PALM2AKAP2: variants seen among roughly 807,000 people sequenced by gnomAD.
PALM2AKAP2 encodes PALM2-AKAP2 fusion protein.
A neutral mutation model predicts 71.5 loss-of-function variants in PALM2AKAP2; 37 were observed. The ratio of observed to expected loss-of-function variants is 0.52; its 90% confidence interval spans 0.40 to 0.68. The LOEUF is 0.68. Among genes scored for constraint, PALM2AKAP2 ranks in the 30% least tolerant of loss-of-function variants. PALM2AKAP2 has a pLI of 0.00. For synonymous variants in PALM2AKAP2, 468 were observed against 478.8 expected (o/e 0.98, Z 0.29); for missense variants, 1,224 against 1,191.8 (o/e 1.03, Z -0.40).
At chr9:110,144,344 G>A (rs1836108943) in intron 2 of PALM2AKAP2, among the ~76,000 whole-genome samples, 1 of 152,200 alleles carries the variant, frequency 6.6e-6, no homozygotes, top group African/African-American at 2.4e-5. Flanking sequence ...GTCCACAGAT[G>A]GTTATTGTCC....
chr9:110,044,707 G>A (rs975372629), upstream of PALM2AKAP2, among the ~76,000 whole-genome samples: 46 of 148,318 alleles, frequency 3.1e-4, no homozygotes, highest in Middle Eastern at 3.5e-3. Flanking sequence ...TTTATTTTCT[G>A]TAGGACATAT....
intron 1 of PALM2AKAP2, among the ~76,000 whole-genome samples, chr9:110,109,653 A>G (rs1379969357): frequency 1.3e-5 from 2 of 152,160 alleles, no homozygotes; most frequent in African/African-American, 2.4e-5. Context: ...GGCAGTCACC[A>G]GGAAACTTCA....
chr9:109,863,480 G>C (rs1165455025), intron 1 of PALM2AKAP2, among the ~76,000 whole-genome samples: 1 of 152,148 alleles, frequency 6.6e-6, no homozygotes, highest in East Asian at 1.9e-4. Flanking sequence ...GTTTGGGGGA[G>C]TGACTATGAA....
chr9:109,698,867 C>T (rs1000886383), intron 1 of PALM2AKAP2, among the ~76,000 whole-genome samples: 6 of 152,274 alleles, frequency 3.9e-5, no homozygotes, highest in African/African-American at 1.4e-4. Context: ...GGGGTAGAGA[C>T]TTACTTTTGA....
At chr9:109,661,080 T>C (rs1827387076) in intron 1 of PALM2AKAP2, among the ~76,000 whole-genome samples, 1 of 152,172 alleles carries the variant, frequency 6.6e-6, no homozygotes, top group East Asian at 1.9e-4. Context: ...GTCAGATGGG[T>C]AGATTGCAAA....
At chr9:109,901,078 C>T (rs2131849855) in intron 3 of PALM2AKAP2, among the ~76,000 whole-genome samples, 1 of 152,274 alleles carries the variant, frequency 6.6e-6, no homozygotes, top group South Asian at 2.1e-4. Flanking sequence ...TTAGGTGGAA[C>T]CAGACTGGAA....
chr9:109,913,529 A>C (rs569165087), intron 3 of PALM2AKAP2, among the ~76,000 whole-genome samples: 133 of 152,282 alleles, frequency 8.7e-4, no homozygotes, highest in African/African-American at 3.1e-3. Context: ...GATTAGCAGT[A>C]ATGAATTCAC....
Position 109,881,876 on chromosome 9 carries a change from CTTTTTTTTTTT to C in PALM2AKAP2, c.257+1212_257+1222del, listed in dbSNP as rs565835467. ...TCTCTGTCTTCTGAGCTTATGAGCT[CTTTTTTTTTTT>C]TTTTTTTTTTTTTTTTAGATGGAGT... On this transcript the variant is annotated intron_variant, in intron 3 of 9. Coordinates refer to the PALM2AKAP2 transcript ENST00000302798. Among the ~76,000 whole-genome samples, 233 of 95,112 alleles carry C rather than the reference CTTTTTTTTTTT, an allele frequency of 2.4e-3. 3 individuals carry two copies. Among genetic ancestry groups the C allele is most frequent in the African/African-American group, 7.9e-3 (221 of 27,878 alleles). The allele number at this position is 95,112 out of a possible 152,430, so 62.4% of individuals were successfully genotyped here.
chr9:109,893,989 A>G (rs1015722097), intron 3 of PALM2AKAP2, among the ~76,000 whole-genome samples: 1 of 151,674 alleles, frequency 6.6e-6, no homozygotes, highest in African/African-American at 2.4e-5. Flanking sequence ...AGTTGAAGGA[A>G]AAAAGTTCAC....
intron 1 of PALM2AKAP2, among the ~76,000 whole-genome samples, chr9:109,803,766 C>G (rs139838135): frequency 6.6e-6 from 1 of 152,308 alleles, no homozygotes; most frequent in East Asian, 1.9e-4. Flanking sequence ...TAGTAGACAC[C>G]TTGGGAAGAC....
intron 1 of PALM2AKAP2, among the ~76,000 whole-genome samples, chr9:110,109,178 A>T (rs1006459954): frequency 1.3e-5 from 2 of 151,948 alleles, no homozygotes; most frequent in African/African-American, 2.4e-5. Context: ...TTAGCTGGGC[A>T]TGGTGGCACA....
At chr9:110,111,696 G>GTTTATT (rs56380577) in intron 1 of PALM2AKAP2, among the ~76,000 whole-genome samples, 248 of 151,458 alleles carry the variant, frequency 1.6e-3, no homozygotes, top group African/African-American at 5.3e-3. Context: ...AGGGCTACAT[G>GTTTATT]TTTATTTTTA....
chr9:109,870,766 GTCTC>G (rs1829582658), intron 2 of PALM2AKAP2, among the ~76,000 whole-genome samples: 1 of 152,130 alleles, frequency 6.6e-6, no homozygotes, highest in African/African-American at 2.4e-5. Flanking sequence ...CATCATTGCT[GTCTC>G]TCTTACTCTA....
intron 1 of PALM2AKAP2, among the ~76,000 whole-genome samples, chr9:109,753,768 C>T (rs1828919246): frequency 2.0e-5 from 3 of 152,100 alleles, no homozygotes; most frequent in African/African-American, 4.8e-5. Flanking sequence ...TTAACTAAGA[C>T]TAAAAGCCAT....
intron 1 of PALM2AKAP2, among the ~76,000 whole-genome samples, chr9:110,110,058 TA>T (rs1186673141): frequency 6.6e-6 from 1 of 152,182 alleles, no homozygotes; most frequent in Non-Finnish European, 1.5e-5. Context: ...TGATGTATTA[TA>T]TATTGTACTT....
At chr9:109,688,102 C>T (rs374067820) in intron 1 of PALM2AKAP2, among the ~76,000 whole-genome samples, 18 of 152,100 alleles carry the variant, frequency 1.2e-4, no homozygotes, top group African/African-American at 4.3e-4. Context: ...TCACAGATCA[C>T]CATAACAGAT....
At chr9:110,171,853 C>G (rs1244172735) in exon 4 of PALM2AKAP2, 1 of 152,596 alleles carries the variant, frequency 6.6e-6, no homozygotes, top group Non-Finnish European at 1.5e-5. Flanking sequence ...TCCTCCAGAG[C>G]TGATTAACTA....
chr9:109,736,028 A>C (rs1828629909), intron 1 of PALM2AKAP2, among the ~76,000 whole-genome samples: 1 of 152,220 alleles, frequency 6.6e-6, no homozygotes, highest in African/African-American at 2.4e-5. Flanking sequence ...AGCATAAGAA[A>C]GTTGCCTGCT....
intron 1 of PALM2AKAP2, among the ~76,000 whole-genome samples, chr9:109,854,684 G>A (rs532168026): frequency 8.7e-5 from 13 of 149,696 alleles, no homozygotes; most frequent in African/African-American, 2.2e-4. Flanking sequence ...ATGCATGTGC[G>A]TACACATGCA....
Sources: allele counts gnomAD v4.1 joint callset (sites outside exome capture counted in the v4.1 genomes callset), GRCh38; gene constraint gnomAD v4.1.1; transcripts MANE v1.5; gene names NCBI Gene and HGNC (gene_info 2026-07-23, HGNC 2026-07-21).